The following PSME1 variants were observed in gnomAD, a reference collection of about 807,000 sequenced individuals.
PSME1 encodes proteasome activator subunit 1, also known as proteasome activator complex subunit 1.
Under a neutral mutation model 38.4 loss-of-function variants are expected in PSME1, and 15 were observed. The ratio of observed to expected loss-of-function variants is 0.39; its 90% CI spans 0.26 to 0.60. PSME1 has a LOEUF of 0.60. Ranked by LOEUF, PSME1 falls within the 20% of genes least tolerant of loss-of-function variation. PSME1 has a pLI of 0.53. For synonymous variants in PSME1, 106 were observed against 106.8 expected, an observed-to-expected ratio of 0.99 and a Z score of 0.05; for missense variants, 249 against 305.6, an observed-to-expected ratio of 0.81 and a Z score of 1.38.
rs1171537043 is a variant in PSME1 at position 24,137,368 on chromosome 14, G to A, written c.183G>A (p.Leu61=). 3 of 1,613,970 alleles carry A rather than the reference G, an allele frequency of 1.9e-6. No individual in the cohort carries two copies. Among genetic ancestry groups the A allele is most frequent in the Non-Finnish European group, 1.7e-6 (2 of 1,180,034 alleles). ...EANLSNLKAP[L]DIPVPDPVKE... is the part of the protein sequence containing the mutation. ...ACTTGAGCAATCTGAAGGCCCCATT[G>A]GACATCCCAGTGCCTGATCCAGTCA... Residue 61 remains leucine (L), a synonymous_variant, in exon 4 of 11, where the codon TTG becomes TTA. Transcript: ENST00000206451.
In PSME1 at chr14:24,136,297, C is replaced by T; in HGVS notation, c.35C>T (p.Ala12Val). Residue 12 changes from alanine to valine, a missense_variant, in exon 1 of 11, where the codon GCC becomes GTC. Transcript: ENST00000206451. The surrounding 1 kb of genome is among the most constrained non-coding windows in gnomAD (Gnocchi z 4.8). ...AMLRVQPEAQ[A>V]KVDVFREDLC... ...CTCAGGGTCCAGCCCGAGGCCCAAGCCAAGGTGAGCGCCGCGGGGTCTAGA... is the reference window on the plus strand; with the variant it reads ...CTCAGGGTCCAGCCCGAGGCCCAAGTCAAGGTGAGCGCCGCGGGGTCTAGA... 1 of 1,527,238 alleles carries T rather than the reference C, an allele frequency of 6.5e-7. No individual in the cohort carries two copies. Among genetic ancestry groups the T allele is most frequent in the Non-Finnish European group, 8.8e-7 (1 of 1,138,532 alleles). The allele number at this position is 1,527,238 out of a possible 1,614,324, so 94.6% of individuals were successfully genotyped here. A position where few individuals can be genotyped will look rare whatever the true frequency, so the allele number is the denominator to read the frequency against.
At chr14:24,137,253 T>C in intron 3 of PSME1, 48 bp downstream of exon 3, 6 of 1,610,966 alleles carry the variant, frequency 3.7e-6, no homozygotes, top group Non-Finnish European at 5.1e-6. Flanking sequence ...AAGAGAAGAG[T>C]CTGGAGGCTG....
chr14:24,137,639 G>T, intron 5 of PSME1, 61 bp from the exon 6 acceptor site: 1 of 1,611,376 alleles, frequency 6.2e-7, no homozygotes. Flanking sequence ...TTTCTTTCCA[G>T]TCTCCCCTTC....
At position 24,138,719 on chromosome 14, in the gene PSME1, A is replaced by T. The variant is rs1241854434; in HGVS notation, c.670-17A>T. The T allele has an allele frequency of 6.2e-7, 1 of 1,613,896 alleles. No individual in the cohort carries two copies. Among genetic ancestry groups the T allele is most frequent in the East Asian group, 2.2e-5 (1 of 44,868 alleles). On this transcript the variant is annotated splice_polypyrimidine_tract_variant and intron_variant, in intron 10 of 10. Coordinates refer to ENST00000206451, the MANE Select transcript of PSME1 (RefSeq NM_006263.4). ...CACTGGAGGCCTCTGACTGACCTCT[A>T]CTCCCTGGCCCTGTAGGCTGTGTTA...
Position 24,136,734 on chromosome 14 carries a change from A to G in PSME1, c.40-251A>G, listed in dbSNP as rs377306276. Among the ~76,000 whole-genome samples the G allele has an allele frequency of 6.6e-6, 1 of 151,372 alleles. No homozygotes were observed. The highest frequency in any genetic ancestry group is 2.4e-5 in the African/African-American group (1 of 41,132). ...TGAACACTGGCCCTTCACCGCCAGG[A>G]ATGTTCTCATCCCCCATATCCAGCC... is the stretch of plus-strand genomic sequence containing the variant. On this transcript the variant is annotated intron_variant, in intron 1 of 10. Transcript: ENST00000206451. This position sits in a 1 kb window ranked among gnomAD's most constrained non-coding sequence, Gnocchi z 4.8.
chr14:24,138,285 C>T (rs2037951849), intron 8 of PSME1, 22 bp downstream of exon 8: 1 of 1,614,068 alleles, frequency 6.2e-7, no homozygotes. Context: ...CCCATGTGCA[C>T]ACTGTTTTTG....
Position 24,138,054 on chromosome 14 carries a change from C to A in PSME1, c.396C>A (p.Thr132=). The part of the protein sequence containing the change: ...KDVIEQLNLV[T]TWLQLQIPRI... ...ATGCCATTCCCTCTTCCCAGGTCAC[C>A]ACCTGGTTGCAGCTGCAGATACCTC... The change falls in exon 7 of 11, where the codon ACC becomes ACA. Residue 132 remains threonine (T), a synonymous_variant. Transcript: ENST00000206451. 1 of 1,614,164 alleles carries A rather than the reference C, an allele frequency of 6.2e-7. No homozygotes were observed. The highest frequency in any genetic ancestry group is 8.5e-7 in the Non-Finnish European group (1 of 1,179,982).
intron 6 of PSME1, 62 bp from the exon 7 acceptor site, chr14:24,137,987 G>A: frequency 1.3e-6 from 2 of 1,588,494 alleles, no homozygotes; most frequent in Non-Finnish European, 1.7e-6. Context: ...AAGCAAGGGA[G>A]AATATGAAAC....
At chr14:24,137,966 T>G (rs1210965666) in intron 6 of PSME1, 83 bp from the exon 7 acceptor site, 3 of 1,548,670 alleles carry the variant, frequency 1.9e-6, no homozygotes, top group Admixed American at 3.3e-5. Context: ...CTCCACCCAG[T>G]GTGGGGAGGG....
Position 24,137,138 on chromosome 14 carries a change from CACAG to C in PSME1, c.74_77del. 1.9e-6 allele frequency: 3 copies of C among 1,614,196 alleles called. No homozygotes were observed. The highest frequency in any genetic ancestry group is 2.5e-6 in the Non-Finnish European group (3 of 1,180,008). On this transcript the variant is annotated splice_acceptor_variant and splice_polypyrimidine_tract_variant and intron_variant, in intron 2 of 10. Transcript: ENST00000206451. LOFTEE classifies it high-confidence loss of function. The stretch of plus-strand genomic sequence containing the variant: ...CATCCTCCTCCACCCCCACCTCACA[CACAG>C]ACAGAGAACCTGCTCGGGAGCTATT...
chr14:24,137,272 A>G, intron 3 of PSME1, 49 bp from the exon 4 acceptor site: 1 of 1,610,336 alleles, frequency 6.2e-7, no homozygotes, highest in Admixed American at 1.7e-5. Flanking sequence ...TGTGAGAGTG[A>G]GGTGAGAGGA....
rs984548572 is a variant in PSME1 at position 24,137,938 on chromosome 14, A to G, written c.391-111A>G. On this transcript the variant is annotated intron_variant, in intron 6 of 10. Coordinates refer to ENST00000206451, the MANE Select transcript of PSME1 (RefSeq NM_006263.4). ...ACCAGAAGTCCAGGCCCTGGGGCTC[A>G]GGATAGACCCGGCACGCCTCCACCC... is the stretch of plus-strand genomic sequence containing the variant. 1.8e-5 allele frequency: 27 copies of G among 1,501,002 alleles called. No homozygotes were observed. The Admixed American group carries it at 4.4e-4, about 24-fold the overall frequency. 93.0% of individuals were successfully genotyped at this position (1,501,002 alleles called of 1,614,324 possible).
Position 24,138,781 on chromosome 14 carries a change from A to C in PSME1, c.715A>C (p.Lys239Gln), listed in dbSNP as rs753749066. 1.2e-6 allele frequency: 2 copies of C among 1,614,174 alleles called. No individual in the cohort carries two copies. The highest frequency in any genetic ancestry group is 8.5e-7 in the Non-Finnish European group (1 of 1,180,018). The part of the protein sequence containing the change: ...IILKNFEKLK[K>Q]PRGETKGMIY ...CCTGAAGAACTTCGAGAAGCTCAAGAAGCCCAGGGGAGAAACAAAGGGAAT... is the reference window on the plus strand; with the variant it reads ...CCTGAAGAACTTCGAGAAGCTCAAGCAGCCCAGGGGAGAAACAAAGGGAAT... Residue 239 changes from lysine to glutamine, a missense_variant, in exon 11 of 11, where the codon AAG (lysine) becomes CAG (glutamine). By Grantham distance (53) the Lys-to-Gln change is moderately conservative. Transcript: ENST00000206451.
chr14:24,138,938 CAATA>C lies in PSME1; in HGVS notation c.*127_*130del. ...TTTCCCTCACCTTGCCTCTCAGGCA[CAATA>C]AATATAGTTATACCACTGCCCATCA... On this transcript the variant is annotated 3_prime_UTR_variant, in exon 11 of 11. Coordinates refer to ENST00000206451, the MANE Select transcript of PSME1 (RefSeq NM_006263.4). The C allele has an allele frequency of 6.3e-7, 1 of 1,597,392 alleles. No individual in the cohort carries two copies.
chr14:24,137,497 C>T, intron 4 of PSME1, 23 bp from the exon 5 acceptor site: 1 of 1,613,824 alleles, frequency 6.2e-7, no homozygotes, highest in Non-Finnish European at 8.5e-7. Context: ...TCCTGACTCT[C>T]ATGAGCTCCT....
At position 24,137,173 on chromosome 14, in the gene PSME1, A is replaced by G. The variant is rs781177768; in HGVS notation, c.103A>G (p.Lys35Glu). The change falls in exon 3 of 11, where the codon AAG (lysine) becomes GAG (glutamate). Residue 35 changes from lysine to glutamate, a missense_variant. Transcript: ENST00000206451. ...GAACCTGCTCGGGAGCTATTTCCCC[A>G]AGAAGATTTCTGAGCTGGATGCATT... The part of the protein sequence containing the change: ...TENLLGSYFP[K>E]KISELDAFLK... 1.2e-6 allele frequency: 2 copies of G among 1,614,124 alleles called. No homozygotes were observed. The highest frequency in any genetic ancestry group is 1.7e-6 in the Non-Finnish European group (2 of 1,179,994).
chr14:24,138,623 G>C, intron 10 of PSME1, 63 bp downstream of exon 10: 1 of 1,613,862 alleles, frequency 6.2e-7, no homozygotes, highest in East Asian at 2.2e-5. Context: ...CCCACTCCCT[G>C]ACCCTGCAGG....
rs571676924 is a variant in PSME1, at chr14:24,136,895, C to T, written c.40-90C>T. ...TAGAGGGATCCCCTCCACCCTTCCC[C>T]AGGTCAGGCCCTACATAACCCTAAG... On this transcript the variant is annotated intron_variant, in intron 1 of 10. Coordinates refer to ENST00000206451, the MANE Select transcript of PSME1 (RefSeq NM_006263.4). This position sits in a 1 kb window ranked among gnomAD's most constrained non-coding sequence, Gnocchi z 4.8. The T allele has an allele frequency of 3.6e-5, 55 of 1,512,470 alleles. No homozygotes were observed. Among genetic ancestry groups the T allele is most frequent in the Non-Finnish European group, 5.0e-5 (54 of 1,090,382 alleles). The allele number at this position is 1,512,470 out of a possible 1,614,324, so 93.7% of individuals were successfully genotyped here. A position where few individuals can be genotyped will look rare whatever the true frequency, so the allele number is the denominator to read the frequency against.
chr14:24,137,154 G>A lies in PSME1; in HGVS notation c.84G>A (p.Leu28=). 1 of 1,614,180 alleles carries A rather than the reference G, an allele frequency of 6.2e-7. No individual in the cohort carries two copies. The highest frequency in any genetic ancestry group is 2.2e-5 in the East Asian group (1 of 44,890). Residue 28 remains leucine, a synonymous_variant, in exon 3 of 11, where the codon CTG becomes CTA. Coordinates refer to ENST00000206451, the MANE Select transcript of PSME1 (RefSeq NM_006263.4). The stretch of plus-strand genomic sequence containing the variant: ...CACCTCACACACAGACAGAGAACCT[G>A]CTCGGGAGCTATTTCCCCAAGAAGA... The part of the protein sequence containing the change: ...REDLCTKTEN[L]LGSYFPKKIS...
Sources: allele counts gnomAD v4.1 joint callset (sites outside exome capture counted in the v4.1 genomes callset), GRCh38; gene constraint gnomAD v4.1.1; non-coding constraint Gnocchi (gnomAD v3.1); transcripts MANE v1.5; gene names NCBI Gene and HGNC (gene_info 2026-07-23, HGNC 2026-07-21).